SLC12A3: variants seen among roughly 807,000 people sequenced by gnomAD.
The protein encoded by SLC12A3 is solute carrier family 12 member 3.
SLC12A3 carries 104 observed loss-of-function variants against 121.0 expected under a neutral mutation model. The observed-to-expected ratio is 0.86, with a 90% CI of 0.73 to 1.01. SLC12A3 has a LOEUF of 1.01. SLC12A3 is among the 50% of genes least tolerant of loss of function. The pLI is 0.00. For missense variants in SLC12A3, 1,328 were observed against 1,356.3 expected (o/e 0.98, Z 0.33); for synonymous variants, 536 against 533.4 (o/e 1.00, Z -0.07).
chr16:56,867,759 G>A (rs772481356), intron 2 of SLC12A3, among the ~76,000 whole-genome samples: 1 of 152,206 alleles, frequency 6.6e-6, no homozygotes, highest in Non-Finnish European at 1.5e-5. Flanking sequence ...TGTTGCCAGA[G>A]CCGGGAACGG....
At chr16:56,902,763 G>A (rs531530638) in intron 24 of SLC12A3, among the ~76,000 whole-genome samples, 292 of 144,850 alleles carry the variant, frequency 2.0e-3, no homozygotes, top group African/African-American at 7.5e-3. Flanking sequence ...TTGACTGCCC[G>A]GAGTCCTCCT....
In SLC12A3 at chr16:56,870,229, G is replaced by A. The variant is rs760061029; in HGVS notation, c.735G>A (p.Leu245=). The change falls in exon 5 of 26, where the codon CTG becomes CTA. Residue 245 remains leucine, a synonymous_variant. Transcript: ENST00000563236. The part of the protein sequence containing the change: ...TVGFAETVRD[L]LQEYGAPIVD... ...GCTTTGCAGAGACCGTGCGGGACCT[G>A]CTCCAGGTGAGGCCGGGGGGCTGGA... 7 of 1,613,262 alleles carry A rather than the reference G, an allele frequency of 4.3e-6. No individual in the cohort carries two copies. The highest frequency in any genetic ancestry group is 3.4e-6 in the Non-Finnish European group (4 of 1,179,970).
chr16:56,879,316 G>A (rs1397168798), intron 10 of SLC12A3, 89 bp downstream of exon 10: 2 of 1,558,050 alleles, frequency 1.3e-6, no homozygotes, highest in African/African-American at 1.4e-5. Flanking sequence ...TTGTTGGGGG[G>A]ACATAGTTTT....
chr16:56,873,089 C>A (rs1237006467), intron 8 of SLC12A3, among the ~76,000 whole-genome samples: 1 of 152,210 alleles, frequency 6.6e-6, no homozygotes, highest in Non-Finnish European at 1.5e-5. Flanking sequence ...AAGAGCCCAG[C>A]CTTGCTCATG....
intron 25 of SLC12A3, among the ~76,000 whole-genome samples, chr16:56,908,595 G>A (rs571440932): frequency 1.4e-4 from 22 of 152,286 alleles, no homozygotes; most frequent in African/African-American, 3.8e-4. Flanking sequence ...GGGACCCTCC[G>A]GAGCAGAAGG....
intron 22 of SLC12A3, among the ~76,000 whole-genome samples, chr16:56,898,473 TG>T (rs1358751278): frequency 6.6e-6 from 1 of 152,140 alleles, no homozygotes; most frequent in Non-Finnish European, 1.5e-5. Context: ...TTAATCAGGA[TG>T]GTCTTGATCT....
At chr16:56,906,115 G>T (rs562424956) in intron 25 of SLC12A3, among the ~76,000 whole-genome samples, 1 of 152,134 alleles carries the variant, frequency 6.6e-6, no homozygotes, top group Non-Finnish European at 1.5e-5. Flanking sequence ...AGGATCTAAG[G>T]ATATTAGATT....
At chr16:56,874,588 G>A (rs1407024746) in intron 8 of SLC12A3, among the ~76,000 whole-genome samples, 1 of 152,230 alleles carries the variant, frequency 6.6e-6, no homozygotes, top group Non-Finnish European at 1.5e-5. Context: ...ATCACTTGAG[G>A]TCGGGAGTTC....
intron 25 of SLC12A3, among the ~76,000 whole-genome samples, chr16:56,910,663 C>G (rs2055673458): frequency 6.6e-6 from 1 of 152,138 alleles, no homozygotes; most frequent in South Asian, 2.1e-4. Context: ...ATAATCACCC[C>G]CTCACTCCCA....
At chr16:56,880,275 C>G (rs762324192) in intron 12 of SLC12A3, 22 bp downstream of exon 12, 2 of 1,564,724 alleles carry the variant, frequency 1.3e-6, no homozygotes, top group Non-Finnish European at 1.7e-6. Flanking sequence ...CCAGGGCTCA[C>G]AGGGCCTGGC....
rs1555500452 is a variant in SLC12A3, at chr16:56,881,444, TG to T, written c.1568-943del. 2.4e-4 allele frequency among the ~76,000 whole-genome samples: 36 copies of T among 150,236 alleles called. No individual in the cohort carries two copies. The South Asian group carries it at 3.6e-3, about 15-fold the overall frequency. ...GATGCAGATTCGATGTCCTTTCATC[TG>T]GGGGGGGGTCTGACTTGACTTCAGA... On this transcript the variant is annotated intron_variant, in intron 12 of 25. Coordinates refer to ENST00000563236, the MANE Select transcript of SLC12A3 (RefSeq NM_001126108.2).
At position 56,865,484 on chromosome 16, in the gene SLC12A3, G is replaced by T. The variant is rs76750525; in HGVS notation, c.249G>T (p.Arg83=). ...STQPGEPRKV[R]PTLADLHSFL... ...AGCCTGGTGAGCCCCGGAAGGTCCG[G>T]CCCACACTGGCTGACCTGCACTCCT... Residue 83 remains arginine (R), a synonymous_variant, in exon 1 of 26, where the codon CGG becomes CGT. Transcript: ENST00000563236. 4.6e-3 allele frequency: 7,435 copies of T among 1,613,566 alleles called. 35 individuals carry two copies. The highest frequency in any genetic ancestry group is 4.9e-3 in the Non-Finnish European group (5,822 of 1,180,042).
chr16:56,887,120 A>G, intron 17 of SLC12A3, 27 bp downstream of exon 17: 2 of 1,613,602 alleles, frequency 1.2e-6, no homozygotes, highest in Non-Finnish European at 1.7e-6. Flanking sequence ...GCTCCCCTAC[A>G]GGACTTACGG....
At chr16:56,880,671 A>T (rs1375284545) in intron 12 of SLC12A3, among the ~76,000 whole-genome samples, 1 of 152,160 alleles carries the variant, frequency 6.6e-6, no homozygotes, top group African/African-American at 2.4e-5. Flanking sequence ...CAGTATCCTC[A>T]TAGGTATATA....
intron 13 of SLC12A3, among the ~76,000 whole-genome samples, chr16:56,883,809 G>T (rs181092708): frequency 5.9e-5 from 9 of 152,236 alleles, no homozygotes; most frequent in African/African-American, 2.2e-4. Flanking sequence ...TCCTGTGGCT[G>T]TATTTGGCCA....
Position 56,869,711 on chromosome 16 carries a change from T to C in SLC12A3, c.506-18T>C. ...CCCTTGGGAAATGCCCTGCCTAAGC[T>C]TTGGGTGCCCCCTGCAGTCCTGACC... is the stretch of plus-strand genomic sequence containing the variant. On this transcript the variant is annotated intron_variant, in intron 3 of 25. Transcript: ENST00000563236. The C allele has an allele frequency of 6.2e-7, 1 of 1,612,006 alleles. No homozygotes were observed. The highest frequency in any genetic ancestry group is 8.5e-7 in the Non-Finnish European group (1 of 1,178,138).
intron 24 of SLC12A3, 62 bp downstream of exon 24, chr16:56,902,570 C>A: frequency 6.3e-7 from 1 of 1,597,854 alleles, no homozygotes; most frequent in Non-Finnish European, 8.5e-7. Flanking sequence ...GGGTGTCCTG[C>A]ATGTCTTGAG....
Position 56,865,493 on chromosome 16 carries a change from G to T in SLC12A3, c.258G>T (p.Leu86=), listed in dbSNP as rs1476809882. 2 of 1,613,242 alleles carry T rather than the reference G, an allele frequency of 1.2e-6. No homozygotes were observed. Among genetic ancestry groups the T allele is most frequent in the Non-Finnish European group, 1.7e-6 (2 of 1,180,054 alleles). The change falls in exon 1 of 26, where the codon CTG becomes CTT. Residue 86 remains leucine (L), a synonymous_variant. Transcript: ENST00000563236. ...AGCCCCGGAAGGTCCGGCCCACACTGGCTGACCTGCACTCCTTCCTCAAGG... is the reference window on the plus strand; with the variant it reads ...AGCCCCGGAAGGTCCGGCCCACACTTGCTGACCTGCACTCCTTCCTCAAGG... ...PGEPRKVRPT[L]ADLHSFLKQE...
At chr16:56,907,792 G>A (rs1049326950) in intron 25 of SLC12A3, among the ~76,000 whole-genome samples, 3 of 152,102 alleles carry the variant, frequency 2.0e-5, no homozygotes, top group Non-Finnish European at 4.4e-5. Flanking sequence ...TCTCCCAAAG[G>A]CCCCACCTCC....
Sources: gnomAD v4.1 joint callset for allele counts (sites outside exome capture counted in the v4.1 genomes callset) on GRCh38, gnomAD v4.1.1 for gene constraint, MANE v1.5 for transcripts, NCBI Gene and HGNC (gene_info 2026-07-23, HGNC 2026-07-21) for gene names.